The following SETX variants were observed in gnomAD, a reference collection of about 807,000 sequenced individuals.
SETX encodes senataxin.
SETX carries 90 observed loss-of-function variants against 227.2 expected under a neutral mutation model. That is an observed-to-expected ratio of 0.40 (90% confidence interval 0.33 to 0.47). The LOEUF (loss-of-function observed/expected upper bound fraction) is 0.47, where lower values mean the gene tolerates loss of function less well. Ranked by LOEUF, SETX falls within the 20% of genes least tolerant of loss-of-function variation. The pLI, the probability that SETX is intolerant of heterozygous loss-of-function variation, is 0.91. For missense variants in SETX, 3,052 were observed against 3,181.5 expected (o/e 0.96, Z 0.98); for synonymous variants, 1,210 against 1,113.2 (o/e 1.09, Z -1.73).
intron 5 of SETX, among the ~76,000 whole-genome samples, chr9:132,337,788 A>G (rs908106666): frequency 1.3e-5 from 2 of 152,364 alleles, no homozygotes; most frequent in East Asian, 1.9e-4. Flanking sequence ...TGCAATCACC[A>G]TAGTTCAGGC....
At chr9:132,317,190 G>A (rs1344387305) in intron 10 of SETX, among the ~76,000 whole-genome samples, 1 of 152,190 alleles carries the variant, frequency 6.6e-6, no homozygotes, top group Non-Finnish European at 1.5e-5. Flanking sequence ...CAGGTGTGCA[G>A]TTCCAGTTCC....
intron 22 of SETX, among the ~76,000 whole-genome samples, chr9:132,276,483 T>C (rs371101420): frequency 6.6e-6 from 1 of 152,318 alleles, no homozygotes; most frequent in East Asian, 1.9e-4. Context: ...TTCCTCCTAC[T>C]TCATGACAGA....
intron 25 of SETX, 57 bp downstream of exon 25, chr9:132,269,558 A>G: frequency 1.9e-6 from 3 of 1,611,588 alleles, no homozygotes; most frequent in South Asian, 1.1e-5. Context: ...AATAAGAACA[A>G]AAACTCAATC....
Position 132,334,937 on chromosome 9 carries a change from A to C in SETX, c.719-210T>G, listed in dbSNP as rs573913. Among the ~76,000 whole-genome samples, 105,688 of 152,032 alleles carry C rather than the reference A, an allele frequency of 0.7. 40,361 individuals are homozygous for C. The highest frequency in any genetic ancestry group is 0.86 in the Non-Finnish European group (58,605 of 67,972). On this transcript the variant is annotated intron_variant, in intron 6 of 25. Coordinates refer to ENST00000224140, the MANE Select transcript of SETX (RefSeq NM_015046.7). ...TGTGAAAGTACAAGATGGTTAGAAA[A>C]CAATTTCTAACATAACTACCATGTA...
intron 11 of SETX, among the ~76,000 whole-genome samples, chr9:132,305,579 C>A (rs977494241): frequency 6.6e-6 from 1 of 152,038 alleles, no homozygotes; most frequent in African/African-American, 2.4e-5. Flanking sequence ...ATCTGACAGA[C>A]TGAGAAGAGC....
chr9:132,331,079 G>A lies in SETX; in HGVS notation c.1071C>T (p.Tyr357=), dbSNP rs753961692. 2.5e-6 allele frequency: 4 copies of A among 1,612,910 alleles called. No individual in the cohort carries two copies. In the East Asian group the frequency reaches 6.7e-5, roughly 27 times the overall value. The part of the protein sequence containing the change: ...DDMVTCSQIV[Y]NYNPEKTKKD... ...TTTTGGTCTTTTCAGGATTATAATTGTATACGATCTGGCTGCAAGTCACCA... is the reference window on the plus strand; with the variant it reads ...TTTTGGTCTTTTCAGGATTATAATTATATACGATCTGGCTGCAAGTCACCA... The change falls in exon 9 of 26, where the codon TAC becomes TAT. Residue 357 remains tyrosine (Y), a synonymous_variant. Transcript: ENST00000224140.
At chr9:132,323,022 A>G (rs1248491566) in intron 10 of SETX, among the ~76,000 whole-genome samples, 2 of 152,136 alleles carry the variant, frequency 1.3e-5, no homozygotes, top group Non-Finnish European at 2.9e-5. Flanking sequence ...AGATAGAAAA[A>G]ATTAAAGAAA....
chr9:132,318,138 T>C (rs1195333747), intron 10 of SETX, among the ~76,000 whole-genome samples: 2 of 152,230 alleles, frequency 1.3e-5, no homozygotes, highest in African/African-American at 4.8e-5. Context: ...TCTTCAGTTG[T>C]ATCCACATAC....
At position 132,342,710 on chromosome 9, in the gene SETX, A is replaced by T; in HGVS notation, c.478T>A (p.Leu160Ile). ...FDKHPGIYLF[L>I]VHPNEMVRRW... ...CTCACCATTTCATTGGGATGGACTA[A>T]AAACAAATAGATCCCTGGATGTTTA... Residue 160 changes from leucine to isoleucine, a missense_variant, in exon 5 of 26, where the codon TTA (leucine) becomes ATA (isoleucine). This residue lies in a region of SETX where 239 missense variants were observed against 240.8 expected (regional missense o/e 0.99). Transcript: ENST00000224140. 1.2e-6 allele frequency: 2 copies of T among 1,613,528 alleles called. 1 individual carries two copies. Among genetic ancestry groups the T allele is most frequent in the South Asian group, 2.2e-5 (2 of 91,080 alleles).
At chr9:132,302,368 A>G (rs1261420546) in intron 11 of SETX, among the ~76,000 whole-genome samples, 2 of 148,848 alleles carry the variant, frequency 1.3e-5, no homozygotes, top group Non-Finnish European at 3.0e-5. Context: ...AAAAAAAAAA[A>G]AAAAAAAAAG....
intron 3 of SETX, among the ~76,000 whole-genome samples, chr9:132,346,788 A>C (rs2131560253): frequency 1.3e-5 from 2 of 148,332 alleles, no homozygotes; most frequent in Admixed American, 1.3e-4. Flanking sequence ...CCTGTCACTA[A>C]AAAAAAAAAA....
intron 3 of SETX, among the ~76,000 whole-genome samples, chr9:132,348,561 T>C (rs565708538): frequency 1.3e-5 from 2 of 152,246 alleles, no homozygotes; most frequent in South Asian, 4.2e-4. Context: ...CAGGTTTCAA[T>C]TCCATCCGTG....
At chr9:132,300,105 G>A (rs557989493) in intron 12 of SETX, among the ~76,000 whole-genome samples, 1 of 129,546 alleles carries the variant, frequency 7.7e-6, no homozygotes, top group South Asian at 2.5e-4. Context: ...ACTCTAGCCT[G>A]GACAACAAGA....
At chr9:132,355,797 A>C (rs1848879449), upstream of SETX, among the ~76,000 whole-genome samples, 1 of 151,728 alleles carries the variant, frequency 6.6e-6, no homozygotes, top group Admixed American at 6.6e-5. Flanking sequence ...GACCAGCCTG[A>C]CCAACATGGT....
chr9:132,320,688 GT>G (rs1323496716), intron 10 of SETX, among the ~76,000 whole-genome samples: 1 of 151,494 alleles, frequency 6.6e-6, no homozygotes, highest in Non-Finnish European at 1.5e-5. Context: ...AAATAAGACG[GT>G]TGAAATCGTA....
intron 11 of SETX, among the ~76,000 whole-genome samples, chr9:132,304,267 T>C (rs1013705330): frequency 1.3e-5 from 2 of 152,062 alleles, no homozygotes; most frequent in Non-Finnish European, 2.9e-5. Context: ...TGGCAGTACT[T>C]GAAACTCAAA....
At chr9:132,269,397 G>C (rs780075246) in intron 25 of SETX, 2 of 1,537,406 alleles carry the variant, frequency 1.3e-6, no homozygotes, top group South Asian at 2.3e-5. Context: ...GTTTTAAAAT[G>C]GTCACCTTGA....
At chr9:132,343,756 T>G (rs1470695002) in intron 4 of SETX, among the ~76,000 whole-genome samples, 1 of 152,164 alleles carries the variant, frequency 6.6e-6, no homozygotes, top group African/African-American at 2.4e-5. Flanking sequence ...CAAATCTGTT[T>G]GACTTGCAAA....
upstream of SETX, among the ~76,000 whole-genome samples, chr9:132,355,989 GAAAAA>G (rs1213549776): frequency 1.2e-5 from 1 of 85,166 alleles, no homozygotes; most frequent in South Asian, 4.9e-4. Context: ...TCTCTCTCCG[GAAAAA>G]AAAAAAAAAA....
Sources: gnomAD v4.1 joint callset for allele counts (sites outside exome capture counted in the v4.1 genomes callset) on GRCh38, gnomAD v4.1.1 for gene constraint, gnomAD v4.1.1 regional missense constraint, MANE v1.5 for transcripts, NCBI Gene and HGNC (gene_info 2026-07-23, HGNC 2026-07-21) for gene names.